SPG21: variants seen among roughly 807,000 people sequenced by gnomAD.
SPG21 encodes SPG21 abhydrolase domain containing, maspardin.
Under a neutral mutation model 38.9 loss-of-function variants are expected in SPG21, and 26 were observed. The ratio of observed to expected loss-of-function variants is 0.67; its 90% CI spans 0.49 to 0.93. SPG21 has a LOEUF of 0.93. SPG21 is among the 40% of genes least tolerant of loss of function. The probability of loss-of-function intolerance (pLI) is 0.00; values close to 1 mark genes in which losing one functional copy is unlikely to be tolerated. For synonymous variants in SPG21, 136 were observed against 128.9 expected, an observed-to-expected ratio of 1.05 and a Z score of -0.37; for missense variants, 333 against 376.5, an observed-to-expected ratio of 0.88 and a Z score of 0.96.
intron 1 of SPG21, among the ~76,000 whole-genome samples, chr15:64,986,058 C>A (rs1379588435): frequency 6.6e-6 from 1 of 152,138 alleles, no homozygotes; most frequent in Non-Finnish European, 1.5e-5. Context: ...TTTGCATATC[C>A]ATTTTATCTT....
chr15:64,978,997 TTTAAA>T (rs2085836348), intron 3 of SPG21, among the ~76,000 whole-genome samples: 1 of 152,196 alleles, frequency 6.6e-6, no homozygotes, highest in Non-Finnish European at 1.5e-5. Flanking sequence ...AACAAAAAAA[TTTAAA>T]TTAAAAAGAT....
intron 1 of SPG21, chr15:64,989,428 C>A (rs2086070831): frequency 6.6e-6 from 1 of 152,476 alleles, no homozygotes; most frequent in Non-Finnish European, 1.5e-5. Flanking sequence ...GCCAGTCCCA[C>A]CGGTGACAGC....
Position 64,970,166 on chromosome 15 carries a change from G to C in SPG21, c.509C>G (p.Ser170Cys). Residue 170 changes from serine (S) to cysteine (C), a missense_variant, in exon 6 of 9, where the codon TCT (serine) becomes TGT (cysteine). Transcript: ENST00000204566. ...AGCCATCATAGGGTCCACCGGGCCAGATGAAAAATTTCCAAGAACTATTTT... is the reference window on the plus strand; with the variant it reads ...AGCCATCATAGGGTCCACCGGGCCACATGAAAAATTTCCAAGAACTATTTT... ...LKKIVLGNFS[S>C]GPVDPMMADA... 6.2e-7 allele frequency: 1 copy of C among 1,614,150 alleles called. No homozygotes were observed. The highest frequency in any genetic ancestry group is 8.5e-7 in the Non-Finnish European group (1 of 1,180,030).
intron 8 of SPG21, among the ~76,000 whole-genome samples, chr15:64,964,363 C>T (rs1048791105): frequency 2.6e-5 from 4 of 152,150 alleles, no homozygotes; most frequent in Non-Finnish European, 5.9e-5. Context: ...CAATCTTCTG[C>T]TACTGTGACT....
At chr15:64,967,033 C>T (rs2085552875) in intron 7 of SPG21, among the ~76,000 whole-genome samples, 1 of 151,586 alleles carries the variant, frequency 6.6e-6, no homozygotes, top group Admixed American at 6.6e-5. Context: ...AATTCATATC[C>T]ATTAGGATAA....
chr15:64,966,647 C>T (rs1376224755), intron 7 of SPG21, among the ~76,000 whole-genome samples: 1 of 152,156 alleles, frequency 6.6e-6, no homozygotes, highest in Non-Finnish European at 1.5e-5. Flanking sequence ...CACCTGTAAT[C>T]CCAGCACTTT....
intron 5 of SPG21, among the ~76,000 whole-genome samples, chr15:64,970,665 A>T (rs189003756): frequency 6.6e-5 from 10 of 152,340 alleles, no homozygotes; most frequent in Admixed American, 2.0e-4. Flanking sequence ...GCACCTCCCC[A>T]AATTTGCTAC....
At chr15:64,977,097 C>G (rs938818357) in intron 3 of SPG21, among the ~76,000 whole-genome samples, 1 of 152,054 alleles carries the variant, frequency 6.6e-6, no homozygotes, top group African/African-American at 2.4e-5. Context: ...GACAGAGTCT[C>G]CTCTGTTGCC....
chr15:64,978,455 C>CA (rs1566929506), intron 3 of SPG21, among the ~76,000 whole-genome samples: 1 of 151,698 alleles, frequency 6.6e-6, no homozygotes, highest in Non-Finnish European at 1.5e-5. Flanking sequence ...CTCCAAAAAA[C>CA]AAAAACAAAA....
At position 64,965,340 on chromosome 15, in the gene SPG21, C is replaced by G. The variant is rs757561471; in HGVS notation, c.790G>C (p.Glu264Gln). The G allele has an allele frequency of 7.4e-6, 12 of 1,614,062 alleles. No individual in the cohort carries two copies. The highest frequency in any genetic ancestry group is 1.0e-5 in the Non-Finnish European group (12 of 1,180,050). The change falls in exon 8 of 9, where the codon GAG (glutamate) becomes CAG (glutamine). Residue 264 changes from glutamate (E) to glutamine (Q), a missense_variant. Physicochemically the swap from Glu to Gln is conservative, Grantham distance 29. Coordinates refer to ENST00000204566, the MANE Select transcript of SPG21 (RefSeq NM_016630.7). ...CTTACCTGTACATAAAGATTGACCT[C>G]TGCACTTCTGCACAGGTATGGGAAA... ...GNFPYLCRSA[E>Q]VNLYVQIHLL...
chr15:64,974,474 C>CAA, intron 5 of SPG21, 128 bp downstream of exon 5: 2 of 1,104,630 alleles, frequency 1.8e-6, no homozygotes, highest in Non-Finnish European at 1.3e-6. Context: ...GACTCTGTCT[C>CAA]AAAAAAAAAG....
At position 64,973,325 on chromosome 15, in the gene SPG21, G is replaced by A. The variant is rs2085708636; in HGVS notation, c.452+1277C>T. ...TTGCCAGCAATGAAAGAAGTGCACA[G>A]TAAGCCAGCTGTATGGCATCATAGA... is the stretch of plus-strand genomic sequence containing the variant. On this transcript the variant is annotated intron_variant, in intron 5 of 8. Transcript: ENST00000204566. Among the ~76,000 whole-genome samples, 4 of 152,238 alleles carry A rather than the reference G, an allele frequency of 2.6e-5. No individual in the cohort carries two copies. The South Asian group carries it at 6.2e-4, about 24-fold the overall frequency.
chr15:64,982,142 C>CTTTTTTTTTTTTTTTTTT (rs56118434), intron 2 of SPG21, among the ~76,000 whole-genome samples: 2 of 114,622 alleles, frequency 1.7e-5, no homozygotes, highest in African/African-American at 3.3e-5. Flanking sequence ...CTTTTCTTTT[C>CTTTTTTTTTTTTTTTTTT]TTTTTTTTTT....
At chr15:64,982,343 A>C (rs1183940622) in intron 2 of SPG21, among the ~76,000 whole-genome samples, 1 of 152,026 alleles carries the variant, frequency 6.6e-6, no homozygotes, top group Non-Finnish European at 1.5e-5. Context: ...AAAGGGTCTC[A>C]TCATATTGCC....
At chr15:64,964,654 G>A (rs938562528) in intron 8 of SPG21, among the ~76,000 whole-genome samples, 26 of 151,502 alleles carry the variant, frequency 1.7e-4, no homozygotes, top group Admixed American at 1.5e-3. Context: ...TTTTTGAGAC[G>A]GAGTCTTGTT....
At chr15:64,968,340 CAA>C (rs11305475) in intron 7 of SPG21, among the ~76,000 whole-genome samples, 7 of 109,698 alleles carry the variant, frequency 6.4e-5, no homozygotes, top group Admixed American at 2.2e-4. Flanking sequence ...ACCCTGTTTC[CAA>C]AAAAAAAAAA....
At chr15:64,966,919 AAAAAC>A (rs1335512085) in intron 7 of SPG21, among the ~76,000 whole-genome samples, 1 of 150,978 alleles carries the variant, frequency 6.6e-6, no homozygotes, top group Non-Finnish European at 1.5e-5. Flanking sequence ...AAACAAAAAC[AAAAAC>A]AAAAAACCAT....
At chr15:64,981,270 C>T in intron 2 of SPG21, 1 of 439,794 alleles carries the variant, frequency 2.3e-6, no homozygotes, top group Non-Finnish European at 4.1e-6. Flanking sequence ...TGCTGCTTCT[C>T]TGTTTCTTCC....
At position 64,963,622 on chromosome 15, in the gene SPG21, A is replaced by G. The variant is rs879054995; in HGVS notation, c.925T>C (p.Ter309GlnextTer7). Residue 309 changes from the stop codon to glutamine, a stop_lost, in exon 9 of 9, where the codon TAG becomes CAG. Coordinates refer to ENST00000204566, the MANE Select transcript of SPG21 (RefSeq NM_016630.7). ...GSLGISQEEQ[*>Q] ...CATCATTGACAGCGAGAGACACACT[A>G]CTGCTCCTCCTGGCTGATGCCAAGG... 3 of 1,613,004 alleles carry G rather than the reference A, an allele frequency of 1.9e-6. No homozygotes were observed. The highest frequency in any genetic ancestry group is 4.5e-5 in the East Asian group (2 of 44,884).
Sources: gnomAD v4.1 joint callset for allele counts (sites outside exome capture counted in the v4.1 genomes callset) on GRCh38, gnomAD v4.1.1 for gene constraint, MANE v1.5 for transcripts, NCBI Gene and HGNC (gene_info 2026-07-23, HGNC 2026-07-21) for gene names.